The following P2RY6 variants were observed in gnomAD, a reference collection of about 807,000 sequenced individuals.
The protein encoded by P2RY6 is P2Y purinoceptor 6.
Under a neutral mutation model 16.3 loss-of-function variants are expected in P2RY6, and 19 were observed. The ratio of observed to expected loss-of-function variants is 1.16; its 90% CI spans 0.81 to 1.71. The LOEUF is 1.71. P2RY6 is among the 40% of genes most tolerant of loss of function. The pLI, the probability that P2RY6 is intolerant of heterozygous loss-of-function variation, is 0.00. For synonymous variants in P2RY6, 184 were observed against 201.5 expected (o/e 0.91, Z 0.74); for missense variants, 389 against 455.5 (o/e 0.85, Z 1.33).
intron 1 of P2RY6, among the ~76,000 whole-genome samples, chr11:73,285,983 A>C (rs1470106982): frequency 1.3e-5 from 2 of 152,180 alleles, no homozygotes; most frequent in Non-Finnish European, 2.9e-5. Flanking sequence ...GGTGTGACAA[A>C]GCATATCTCC....
At chr11:73,288,986 G>A (rs908638507) in intron 1 of P2RY6, among the ~76,000 whole-genome samples, 1 of 152,216 alleles carries the variant, frequency 6.6e-6, no homozygotes, top group African/African-American at 2.4e-5. Context: ...ATCCAGCCTG[G>A]TCTGAGCTGG....
chr11:73,270,907 C>G (rs1863276389), upstream of P2RY6, among the ~76,000 whole-genome samples: 1 of 152,156 alleles, frequency 6.6e-6, no homozygotes, highest in African/African-American at 2.4e-5. Flanking sequence ...CTGCAGCCCC[C>G]TAGCTCTCCG....
chr11:73,290,355 GAAA>G, intron 1 of P2RY6, among the ~76,000 whole-genome samples: 2 of 114,574 alleles, frequency 1.7e-5, no homozygotes, highest in Admixed American at 8.2e-5. Flanking sequence ...AAGAAAGAAA[GAAA>G]GAAAGAAGGA....
intron 1 of P2RY6, among the ~76,000 whole-genome samples, chr11:73,294,049 G>T (rs1172477909): frequency 6.6e-6 from 1 of 151,996 alleles, no homozygotes; most frequent in Non-Finnish European, 1.5e-5. Context: ...TTTCTCCTCA[G>T]ATTTCTTTGT....
chr11:73,296,844 A>G lies in P2RY6; in HGVS notation c.326A>G (p.Asn109Ser). Residue 109 changes from asparagine (N) to serine (S), a missense_variant, in exon 3 of 3, where the codon AAC (asparagine) becomes AGC (serine). Physicochemically the swap from Asn to Ser is conservative, Grantham distance 46 (BLOSUM62 1). Coordinates refer to ENST00000540124, the MANE Select transcript of P2RY6 (RefSeq NM_001277204.2). ...CTGGTCCGCTTCCTCTTCTATGCCA[A>G]CCTGCACGGCAGCATCCTCTTCCTC... ...CRLVRFLFYA[N>S]LHGSILFLTC... is the part of the protein sequence containing the mutation. 5.0e-6 allele frequency: 8 copies of G among 1,610,678 alleles called. No homozygotes were observed. The highest frequency in any genetic ancestry group is 5.9e-6 in the Non-Finnish European group (7 of 1,179,988).
intron 1 of P2RY6, among the ~76,000 whole-genome samples, chr11:73,274,473 C>T (rs973625588): frequency 3.4e-5 from 5 of 147,232 alleles, no homozygotes; most frequent in Non-Finnish European, 7.4e-5. Flanking sequence ...ACCCAGGAGG[C>T]AGAGGTTGCA....
rs1864530153 is a variant in P2RY6, at chr11:73,297,082, C to G, written c.564C>G (p.His188Gln). The change falls in exon 3 of 3, where the codon CAC (histidine) becomes CAG (glutamine). Residue 188 changes from histidine to glutamine, a missense_variant. Transcript: ENST00000540124. The stretch of plus-strand genomic sequence containing the variant: ...TCAGCCCGCCTGCCCTGGCCACCCA[C>G]TATATGCCCTATGGCATGGCTCTCA... ...YDLSPPALAT[H>Q]YMPYGMALTV... 1.9e-6 allele frequency: 3 copies of G among 1,602,542 alleles called. No individual in the cohort carries two copies. Among genetic ancestry groups the G allele is most frequent in the East Asian group, 2.2e-5 (1 of 44,882 alleles).
chr11:73,266,725 G>A (rs1565157766), intron 1 of P2RY6, among the ~76,000 whole-genome samples: 1 of 152,218 alleles, frequency 6.6e-6, no homozygotes, highest in East Asian at 1.9e-4. Context: ...GAAACATCTG[G>A]GGAGGGAACC....
chr11:73,284,086 G>A (rs556258498), intron 1 of P2RY6, among the ~76,000 whole-genome samples: 45 of 152,258 alleles, frequency 3.0e-4, no homozygotes, highest in African/African-American at 1.0e-3. Context: ...GTAGAGTTGA[G>A]GGTATGGGGC....
At chr11:73,269,647 A>T (rs754548141), upstream of P2RY6, among the ~76,000 whole-genome samples, 63 of 152,208 alleles carry the variant, frequency 4.1e-4, no homozygotes, top group Non-Finnish European at 8.1e-4. Flanking sequence ...ACTTAGGCAC[A>T]ATTCCAAACA....
intron 1 of P2RY6, among the ~76,000 whole-genome samples, chr11:73,291,030 C>G (rs989187152): frequency 2.0e-5 from 3 of 152,182 alleles, no homozygotes; most frequent in Non-Finnish European, 1.5e-5. Flanking sequence ...CCAGGCCAGG[C>G]CTCTTGTATG....
At chr11:73,296,011 AT>A (rs1360159209) in intron 2 of P2RY6, among the ~76,000 whole-genome samples, 196 bp downstream of exon 2, 2 of 151,978 alleles carry the variant, frequency 1.3e-5, no homozygotes, top group Non-Finnish European at 2.9e-5. Flanking sequence ...GCACAGCATG[AT>A]TTAGTGCTTC....
At chr11:73,265,683 C>G (rs1404301307) in intron 1 of P2RY6, among the ~76,000 whole-genome samples, 1 of 152,188 alleles carries the variant, frequency 6.6e-6, no homozygotes, top group African/African-American at 2.4e-5. Context: ...CTTGCCTCTT[C>G]TCCACTGCCT....
At chr11:73,266,755 C>T (rs1863118602) in intron 1 of P2RY6, among the ~76,000 whole-genome samples, 1 of 152,066 alleles carries the variant, frequency 6.6e-6, no homozygotes, top group Non-Finnish European at 1.5e-5. Context: ...CTCATGGTGA[C>T]GGGGTGCCAT....
At position 73,294,688 on chromosome 11, in the gene P2RY6, C is replaced by T. The variant is rs77478136; in HGVS notation, c.-120-1042C>T. Among the ~76,000 whole-genome samples, 1,153 of 152,328 alleles carry T rather than the reference C, an allele frequency of 7.6e-3. 13 individuals carry two copies. The highest frequency in any genetic ancestry group is 0.027 in the African/African-American group (1,114 of 41,566). Reference sequence around the variant, plus strand: ...TGCCCAAAAATGGGATAAAATAGCTCCACCAAAATGAAATTGCAAGTTGGG... The same window carrying T: ...TGCCCAAAAATGGGATAAAATAGCTTCACCAAAATGAAATTGCAAGTTGGG... On this transcript the variant is annotated intron_variant, in intron 1 of 2. Coordinates refer to ENST00000540124, the MANE Select transcript of P2RY6 (RefSeq NM_001277204.2).
intron 1 of P2RY6, among the ~76,000 whole-genome samples, chr11:73,292,516 T>C (rs1370988076): frequency 6.6e-6 from 1 of 152,210 alleles, no homozygotes; most frequent in Non-Finnish European, 1.5e-5. Context: ...ATTTGACAAC[T>C]GAGAAGACTG....
At chr11:73,295,284 T>C (rs1052394100) in intron 1 of P2RY6, among the ~76,000 whole-genome samples, 12 of 152,222 alleles carry the variant, frequency 7.9e-5, no homozygotes, top group South Asian at 2.1e-4. Context: ...ATGGCATTTA[T>C]TGAGCACTAC....
chr11:73,296,233 A>ATATATATATATAT (rs1554992361), intron 2 of P2RY6, among the ~76,000 whole-genome samples: 2 of 124,514 alleles, frequency 1.6e-5, no homozygotes, highest in African/African-American at 7.0e-5. Flanking sequence ...GAAAAAAAAA[A>ATATATATATATAT]ATATATATAT....
intron 1 of P2RY6, among the ~76,000 whole-genome samples, chr11:73,287,422 C>G (rs528815405): frequency 1.3e-5 from 2 of 152,230 alleles, no homozygotes; most frequent in Non-Finnish European, 2.9e-5. Flanking sequence ...AGACCCATCA[C>G]TCCCAGATCC....
Sources: gnomAD v4.1 joint callset for allele counts (sites outside exome capture counted in the v4.1 genomes callset) on GRCh38, gnomAD v4.1.1 for gene constraint, MANE v1.5 for transcripts, NCBI Gene and HGNC (gene_info 2026-07-23, HGNC 2026-07-21) for gene names.